The following ZNF717 variants were observed in gnomAD, a reference collection of about 807,000 sequenced individuals.
The protein encoded by ZNF717 is zinc finger protein 717, also known as krueppel-like factor X17.
Under a neutral mutation model 13.8 loss-of-function variants are expected in ZNF717, and 9 were observed. That is an observed-to-expected ratio of 0.65 (90% CI 0.39 to 1.14). The LOEUF (loss-of-function observed/expected upper bound fraction) is 1.14. ZNF717 is among the 50% of genes most tolerant of loss of function. The pLI, the probability that ZNF717 is intolerant of heterozygous loss-of-function variation, is 0.01. For missense variants in ZNF717, 1,040 were observed against 1,080.7 expected, an observed-to-expected ratio of 0.96 and a Z score of 0.53; for synonymous variants, 327 against 364.1, an observed-to-expected ratio of 0.90 and a Z score of 1.16.
chr3:75,700,481 G>C (rs1449508558), intron 6 of ZNF717, among the ~76,000 whole-genome samples: 17 of 151,598 alleles, frequency 1.1e-4, no homozygotes, highest in African/African-American at 3.9e-4. Context: ...AATAGTCAAA[G>C]CTATGCTGAG....
intron 2 of ZNF717, among the ~76,000 whole-genome samples, chr3:75,750,169 C>T (rs74638233): frequency 6.8e-6 from 1 of 147,944 alleles, no homozygotes; most frequent in East Asian, 2.0e-4. Context: ...GAATGTTTGT[C>T]CCTCACATAG....
At chr3:75,709,475 C>T (rs75483855), downstream of ZNF717, among the ~76,000 whole-genome samples, 1 of 152,084 alleles carries the variant, frequency 6.6e-6, no homozygotes, top group African/African-American at 2.4e-5. Context: ...AGGGCAAACA[C>T]CCAAATCACA....
At chr3:75,697,483 G>C (rs1254167992) in intron 6 of ZNF717, among the ~76,000 whole-genome samples, 1 of 152,420 alleles carries the variant, frequency 6.6e-6, no homozygotes, top group African/African-American at 2.4e-5. Flanking sequence ...TTATTTAAAA[G>C]TGTGTAACAA....
intron 2 of ZNF717, among the ~76,000 whole-genome samples, chr3:75,779,311 CT>C (rs1944615732): frequency 6.6e-6 from 1 of 150,872 alleles, no homozygotes; most frequent in Non-Finnish European, 1.5e-5. Flanking sequence ...AACCAGAAAC[CT>C]AAAACAATGG....
At chr3:75,717,172 A>C (rs1466696164) in intron 4 of ZNF717, among the ~76,000 whole-genome samples, 2 of 152,222 alleles carry the variant, frequency 1.3e-5, no homozygotes, top group Non-Finnish European at 2.9e-5. Context: ...ATGTTTCTAT[A>C]TAAAAGTAAA....
downstream of ZNF717, among the ~76,000 whole-genome samples, chr3:75,733,168 C>T (rs1242002408): frequency 6.6e-6 from 1 of 152,100 alleles, no homozygotes; most frequent in Non-Finnish European, 1.5e-5. Context: ...TTGAAAGAAA[C>T]TTTAAAAACT....
rs763273267 is a variant in ZNF717, at chr3:75,746,044, C to A, written c.58-4308G>T. Among the ~76,000 whole-genome samples, 318 of 152,160 alleles carry A rather than the reference C, an allele frequency of 2.1e-3. 1 individual carries two copies. Among genetic ancestry groups the A allele is most frequent in the Admixed American group, 4.3e-3 (66 of 15,274 alleles). Reference sequence around the variant, plus strand: ...CCTGCTCCCCCTACCCCACAACAAGCCCCGGTGTGTGATGTTCCCCTTCCT... The same window carrying A: ...CCTGCTCCCCCTACCCCACAACAAGACCCGGTGTGTGATGTTCCCCTTCCT... On this transcript the variant is annotated intron_variant, in intron 2 of 4. Transcript: ENST00000652011.
At chr3:75,770,015 T>C (rs1943767895) in intron 2 of ZNF717, among the ~76,000 whole-genome samples, 1 of 152,226 alleles carries the variant, frequency 6.6e-6, no homozygotes, top group African/African-American at 2.4e-5. Flanking sequence ...TGTCTTTGCA[T>C]ATTTCTTTAT....
At position 75,737,299 on chromosome 3, in the gene ZNF717, G is replaced by T. The variant is rs77097895; in HGVS notation, c.2324C>A (p.Thr775Lys). ...CTCTCCTGAGTGAGTCCCCTGATGC[G>T]TACTGAGGTTTGACTTGTGACAAAA... The part of the protein sequence containing the change: ...KTFCHKSNLS[T>K]HQGTHSGEKP... Residue 775 changes from threonine (T) to lysine (K), a missense_variant, in exon 5 of 5, where the codon ACG becomes AAG. Coordinates refer to ENST00000652011, the MANE Select transcript of ZNF717 (RefSeq NM_001290208.3). 6.4e-7 allele frequency: 1 copy of T among 1,552,742 alleles called. No homozygotes were observed. Among genetic ancestry groups the T allele is most frequent in the Non-Finnish European group, 8.7e-7 (1 of 1,147,780 alleles).
At chr3:75,750,934 C>A (rs796140610) in intron 2 of ZNF717, among the ~76,000 whole-genome samples, 3 of 134,980 alleles carry the variant, frequency 2.2e-5, no homozygotes, top group Admixed American at 1.5e-4. Context: ...GAATGTTTGT[C>A]CCTCACATAG....
At chr3:75,757,571 T>G (rs372141208) in intron 2 of ZNF717, among the ~76,000 whole-genome samples, 1 of 151,778 alleles carries the variant, frequency 6.6e-6, no homozygotes. Flanking sequence ...CAGAGATGTA[T>G]AAAGAGCTGA....
At chr3:75,731,372 C>A (rs1260421801), downstream of ZNF717, among the ~76,000 whole-genome samples, 1 of 151,906 alleles carries the variant, frequency 6.6e-6, no homozygotes, top group Non-Finnish European at 1.5e-5. Context: ...GTGAGCTCTG[C>A]CTCAAAAAAT....
chr3:75,713,323 G>GT (rs1214349581), intron 5 of ZNF717, among the ~76,000 whole-genome samples: 5 of 151,600 alleles, frequency 3.3e-5, no homozygotes, highest in Non-Finnish European at 7.4e-5. Context: ...GCTAACTTCT[G>GT]TATTTTTTGT....
chr3:75,758,699 C>T (rs1942709648), intron 2 of ZNF717, among the ~76,000 whole-genome samples: 4 of 152,222 alleles, frequency 2.6e-5, no homozygotes, highest in Admixed American at 2.6e-4. Flanking sequence ...TACATTAAGG[C>T]AAGACCCTCC....
chr3:75,738,933 A>G lies in ZNF717; in HGVS notation c.690T>C (p.Val230=). 6.4e-7 allele frequency: 1 copy of G among 1,551,536 alleles called. No homozygotes were observed. The highest frequency in any genetic ancestry group is 1.2e-5 in the South Asian group (1 of 84,064). Residue 230 remains valine, a synonymous_variant, in exon 5 of 5, where the codon GTT becomes GTC. Coordinates refer to ENST00000652011, the MANE Select transcript of ZNF717 (RefSeq NM_001290208.3). ...TEAMFFIHKR[V]HIVQTFGKYN... The stretch of plus-strand genomic sequence containing the variant: ...ATTTACCAAAGGTCTGTACTATATG[A>G]ACCCTCTTATGTATAAAGAACATTG...
intron 2 of ZNF717, among the ~76,000 whole-genome samples, chr3:75,743,573 C>G (rs1203831464): frequency 6.6e-6 from 1 of 152,128 alleles, no homozygotes; most frequent in Non-Finnish European, 1.5e-5. Context: ...ATTTTAACAG[C>G]CATCCCTGAG....
At chr3:75,754,193 T>C (rs1942259256) in intron 2 of ZNF717, among the ~76,000 whole-genome samples, 1 of 152,262 alleles carries the variant, frequency 6.6e-6, no homozygotes, top group South Asian at 2.1e-4. Flanking sequence ...TTACTCAGTC[T>C]AAAGTATTTT....
At chr3:75,782,025 T>C (rs1324691704) in intron 2 of ZNF717, among the ~76,000 whole-genome samples, 2 of 152,152 alleles carry the variant, frequency 1.3e-5, no homozygotes, top group Non-Finnish European at 2.9e-5. Flanking sequence ...CGAGAGAATT[T>C]CGTGCGTTAG....
intron 2 of ZNF717, among the ~76,000 whole-genome samples, chr3:75,772,380 T>C (rs1943965793): frequency 6.6e-6 from 1 of 152,196 alleles, no homozygotes; most frequent in African/African-American, 2.4e-5. Flanking sequence ...TGCCCCTTGC[T>C]TGCCAAATTG....
Sources: gnomAD v4.1 joint callset for allele counts (sites outside exome capture counted in the v4.1 genomes callset) on GRCh38, gnomAD v4.1.1 for gene constraint, MANE v1.5 for transcripts, NCBI Gene and HGNC (gene_info 2026-07-23, HGNC 2026-07-21) for gene names.